BAIAP2L1: variants seen among roughly 807,000 people sequenced by gnomAD.
BAIAP2L1 encodes the protein BAR/IMD domain-containing adapter protein 2-like 1.
In BAIAP2L1, 35 loss-of-function variants were observed where a neutral mutation model predicts 66.3. The observed-to-expected ratio is 0.53, with a 90% CI of 0.40 to 0.70. The LOEUF is 0.70. Ranked by LOEUF, BAIAP2L1 falls within the 30% of genes least tolerant of loss-of-function variation. The pLI is 0.00. For missense variants in BAIAP2L1, 622 were observed against 656.9 expected (o/e 0.95, Z 0.58); for synonymous variants, 269 against 248.7 (o/e 1.08, Z -0.77).
chr7:98,386,225 C>T (rs1383023670), intron 1 of BAIAP2L1: 3 of 1,537,588 alleles, frequency 2.0e-6, no homozygotes, highest in Non-Finnish European at 2.7e-6. Flanking sequence ...ACGTGAGCTT[C>T]AATCATTGTC....
intron 1 of BAIAP2L1, among the ~76,000 whole-genome samples, chr7:98,363,547 C>A (rs554840572): frequency 6.6e-6 from 1 of 152,138 alleles, no homozygotes; most frequent in African/African-American, 2.4e-5. Context: ...AAGTATAAGA[C>A]AAATAACTAT....
chr7:98,382,281 GA>G (rs1473182711), intron 1 of BAIAP2L1, among the ~76,000 whole-genome samples: 2 of 152,088 alleles, frequency 1.3e-5, no homozygotes, highest in East Asian at 3.9e-4. Flanking sequence ...CAATGTACAG[GA>G]AAACTGAGCT....
At chr7:98,351,796 TCA>T (rs1163186907) in intron 3 of BAIAP2L1, among the ~76,000 whole-genome samples, 2 of 152,158 alleles carry the variant, frequency 1.3e-5, no homozygotes, top group Admixed American at 1.3e-4. Context: ...CCTACATTAT[TCA>T]CACAGCAGTG....
intron 12 of BAIAP2L1, among the ~76,000 whole-genome samples, chr7:98,300,913 G>A (rs574740018): frequency 2.0e-5 from 3 of 152,136 alleles, no homozygotes; most frequent in Non-Finnish European, 2.9e-5. Context: ...TGGCTCCGAC[G>A]CTTTCCTCCT....
chr7:98,359,575 T>A (rs1802217887), intron 2 of BAIAP2L1, among the ~76,000 whole-genome samples: 1 of 151,710 alleles, frequency 6.6e-6, no homozygotes, highest in South Asian at 2.1e-4. Flanking sequence ...CCGGCCGACT[T>A]GCTGTCTTTT....
intron 12 of BAIAP2L1, among the ~76,000 whole-genome samples, chr7:98,296,559 GGTT>G (rs1800199994): frequency 6.6e-6 from 1 of 152,220 alleles, no homozygotes; most frequent in African/African-American, 2.4e-5. Flanking sequence ...GGGAGGCAGA[GGTT>G]GTGGTGAGCT....
chr7:98,323,953 G>A (rs1801314515), intron 3 of BAIAP2L1, among the ~76,000 whole-genome samples: 3 of 152,166 alleles, frequency 2.0e-5, no homozygotes, highest in Non-Finnish European at 4.4e-5. Context: ...TTTAAAATGC[G>A]ATGCCACATT....
At chr7:98,300,153 A>C (rs950760677) in intron 12 of BAIAP2L1, among the ~76,000 whole-genome samples, 1 of 152,230 alleles carries the variant, frequency 6.6e-6, no homozygotes, top group East Asian at 1.9e-4. Context: ...TGGACTGGGC[A>C]GGGAACATTT....
intron 1 of BAIAP2L1, among the ~76,000 whole-genome samples, chr7:98,363,119 C>G (rs1230320425): frequency 6.6e-6 from 1 of 150,478 alleles, no homozygotes; most frequent in Non-Finnish European, 1.5e-5. Flanking sequence ...ACTGCAACCT[C>G]CGCCTACTAG....
At chr7:98,400,531 GAGAC>G (rs1159535217) in intron 1 of BAIAP2L1, among the ~76,000 whole-genome samples, 3 of 122,948 alleles carry the variant, frequency 2.4e-5, no homozygotes, top group East Asian at 5.3e-4. Context: ...GCGGGAAAGA[GAGAC>G]AGGGAAGAAG....
chr7:98,331,464 T>C (rs1376090313), intron 3 of BAIAP2L1, among the ~76,000 whole-genome samples: 1 of 103,984 alleles, frequency 9.6e-6, no homozygotes, highest in East Asian at 3.0e-4. Context: ...AAAAGAAAAA[T>C]CTTTTTTTTT....
intron 1 of BAIAP2L1, among the ~76,000 whole-genome samples, chr7:98,374,738 G>GAC (rs937961042): frequency 2.6e-5 from 4 of 151,946 alleles, no homozygotes; most frequent in Non-Finnish European, 5.9e-5. Flanking sequence ...AAATACGTCT[G>GAC]ACCCTCTCTC....
intron 1 of BAIAP2L1, among the ~76,000 whole-genome samples, chr7:98,366,945 G>A (rs1350230880): frequency 6.6e-6 from 1 of 152,088 alleles, no homozygotes; most frequent in African/African-American, 2.4e-5. Context: ...AGGCTGGCGT[G>A]CAGTGGCATG....
At chr7:98,384,290 G>A (rs190620697) in intron 1 of BAIAP2L1, among the ~76,000 whole-genome samples, 59 of 152,122 alleles carry the variant, frequency 3.9e-4, no homozygotes, top group Middle Eastern at 6.8e-3. Context: ...GAAATATTAC[G>A]TTATCATTTA....
chr7:98,301,611 C>G (rs977633309), intron 12 of BAIAP2L1, among the ~76,000 whole-genome samples: 1 of 152,024 alleles, frequency 6.6e-6, no homozygotes, highest in Non-Finnish European at 1.5e-5. Context: ...GCCACCGTGC[C>G]CGGCCAAGCC....
At chr7:98,299,700 T>A (rs538975812) in intron 12 of BAIAP2L1, among the ~76,000 whole-genome samples, 1 of 152,312 alleles carries the variant, frequency 6.6e-6, no homozygotes. Context: ...TTGTATGATC[T>A]ATTCCTAACT....
intron 3 of BAIAP2L1, among the ~76,000 whole-genome samples, chr7:98,354,022 A>T (rs1407457765): frequency 6.6e-6 from 1 of 151,872 alleles, no homozygotes; most frequent in African/African-American, 2.4e-5. Flanking sequence ...TAAAAAATAC[A>T]TAGATCGCTT....
intron 3 of BAIAP2L1, among the ~76,000 whole-genome samples, chr7:98,343,796 G>A (rs1801805649): frequency 6.6e-6 from 1 of 152,186 alleles, no homozygotes; most frequent in South Asian, 2.1e-4. Context: ...TAGGCCTTGT[G>A]GGCCAAACGT....
Position 98,292,594 on chromosome 7 carries a change from C to A in BAIAP2L1, c.*927G>T. On this transcript the variant is annotated 3_prime_UTR_variant, in exon 14 of 14. Transcript: ENST00000005260. ...ACATCCATACCATAGGGCCAGGTTC[C>A]GAGGGCATCATGGCTGCTAGGCTGA... The A allele has an allele frequency of 6.5e-7, 1 of 1,539,560 alleles. No individual in the cohort carries two copies. Among genetic ancestry groups the A allele is most frequent in the Non-Finnish European group, 8.8e-7 (1 of 1,136,066 alleles).
Sources: allele counts gnomAD v4.1 joint callset (sites outside exome capture counted in the v4.1 genomes callset), GRCh38; gene constraint gnomAD v4.1.1; transcripts MANE v1.5; gene names NCBI Gene and HGNC (gene_info 2026-07-23, HGNC 2026-07-21).